MRE11: variants seen among roughly 807,000 people sequenced by gnomAD.
The protein encoded by MRE11 is MRE11 double strand break repair nuclease, also known as double-strand break repair protein MRE11.
In MRE11, 62 loss-of-function variants were observed where a neutral mutation model predicts 91.7. The ratio of observed to expected loss-of-function variants is 0.68; its 90% CI spans 0.55 to 0.84. The LOEUF (loss-of-function observed/expected upper bound fraction) is 0.84. Among genes scored for constraint, MRE11 ranks in the 40% least tolerant of loss-of-function variants. MRE11 has a pLI of 0.00. For synonymous variants in MRE11, 273 were observed against 271.4 expected, an observed-to-expected ratio of 1.01 and a Z score of -0.06; for missense variants, 796 against 852.9, an observed-to-expected ratio of 0.93 and a Z score of 0.83.
intron 17 of MRE11, among the ~76,000 whole-genome samples, chr11:94,436,599 C>G (rs1044153855): frequency 6.6e-6 from 1 of 152,122 alleles, no homozygotes; most frequent in African/African-American, 2.4e-5. Flanking sequence ...TATGGAGAAA[C>G]CCTGATGTAA....
chr11:94,457,887 T>TCTCACACA (rs372404360), intron 13 of MRE11, among the ~76,000 whole-genome samples: 3,290 of 144,172 alleles, frequency 0.023, 123 homozygotes, highest in African/African-American at 0.081. Context: ...TCTCTCTCTC[T>TCTCACACA]CACACACACA....
chr11:94,507,268 T>G, the MRE11 span, among the ~76,000 whole-genome samples: 1 of 152,222 alleles, frequency 6.6e-6, no homozygotes, highest in Non-Finnish European at 1.5e-5. Flanking sequence ...CAACATTACA[T>G]CTATGAGATT....
At chr11:94,421,093 A>G (rs1165210163) in intron 19 of MRE11, among the ~76,000 whole-genome samples, 2 of 152,206 alleles carry the variant, frequency 1.3e-5, no homozygotes, top group Non-Finnish European at 2.9e-5. Flanking sequence ...GTAAGAATAA[A>G]TAGGAATATC....
intron 14 of MRE11, 43 bp from the exon 15 acceptor site, chr11:94,447,481 G>A (rs762612584): frequency 1.2e-5 from 19 of 1,561,192 alleles, no homozygotes; most frequent in Admixed American, 5.0e-5. Context: ...ATGAGATAAC[G>A]TACCATCCTA....
chr11:94,434,515 A>G (rs1045976879), intron 18 of MRE11, among the ~76,000 whole-genome samples: 7 of 152,142 alleles, frequency 4.6e-5, no homozygotes, highest in Non-Finnish European at 8.8e-5. Flanking sequence ...GAGATAATGG[A>G]AAAAAAGCTT....
rs1289855820 is a variant in MRE11, at chr11:94,418,315, T to C, written c.*1810A>G. On this transcript the variant is annotated 3_prime_UTR_variant, in exon 20 of 20. Coordinates refer to ENST00000323929, the MANE Select transcript of MRE11 (RefSeq NM_005591.4). Reference sequence around the variant, plus strand: ...GAGATTTATCACCCTCTGTAACTGCTATGTCATCACTTTCCTTAGCGGTGA... The same window carrying C: ...GAGATTTATCACCCTCTGTAACTGCCATGTCATCACTTTCCTTAGCGGTGA... 1 of 233,068 alleles carries C rather than the reference T, an allele frequency of 4.3e-6. No homozygotes were observed. The highest frequency in any genetic ancestry group is 2.2e-5 in the African/African-American group (1 of 45,340). 14.4% of individuals were successfully genotyped at this position (233,068 alleles called of 1,614,324 possible).
In MRE11 at chr11:94,479,713, T is replaced by C; in HGVS notation, c.363A>G (p.Pro121=). The stretch of plus-strand genomic sequence containing the variant: ...CATGATTGCCATGAATACTAAACAC[T>C]GGAATTGAAATGTTGAGGTTGCCAT... The part of the protein sequence containing the change: ...YQDGNLNISI[P]VFSIHGNHDD... The change falls in exon 5 of 20, where the codon CCA becomes CCG. Residue 121 remains proline, a synonymous_variant. Transcript: ENST00000323929. 6.2e-7 allele frequency: 1 copy of C among 1,613,088 alleles called. No homozygotes were observed. Among genetic ancestry groups the C allele is most frequent in the Non-Finnish European group, 8.5e-7 (1 of 1,179,754 alleles).
At chr11:94,459,709 A>C (rs369254097) in intron 12 of MRE11, 128 bp from the exon 13 acceptor site, 2 of 1,020,892 alleles carry the variant, frequency 2.0e-6, no homozygotes, top group African/African-American at 1.6e-5. Flanking sequence ...AGTTAAGCCT[A>C]CTAATATCAG....
chr11:94,434,583 C>T (rs1945551814), intron 18 of MRE11, among the ~76,000 whole-genome samples: 1 of 152,082 alleles, frequency 6.6e-6, no homozygotes, highest in Admixed American at 6.5e-5. Context: ...AGTTCCTGCT[C>T]ATGCCCTTAT....
chr11:94,438,154 C>T (rs932564838), intron 16 of MRE11, among the ~76,000 whole-genome samples: 1 of 151,772 alleles, frequency 6.6e-6, no homozygotes, highest in African/African-American at 2.4e-5. Flanking sequence ...CAAAACAAAA[C>T]AAAACCTACA....
intron 18 of MRE11, among the ~76,000 whole-genome samples, chr11:94,434,060 T>A (rs887778532): frequency 6.6e-6 from 1 of 152,126 alleles, no homozygotes; most frequent in African/African-American, 2.4e-5. Context: ...TTCAATGACC[T>A]TTCCCAGGAA....
chr11:94,482,362 T>A (rs115320714), intron 4 of MRE11, among the ~76,000 whole-genome samples: 1 of 152,200 alleles, frequency 6.6e-6, no homozygotes, highest in Admixed American at 6.5e-5. Flanking sequence ...CCGGAACCCA[T>A]GCTCTTAATC....
chr11:94,473,532 C>G (rs1403866930), intron 7 of MRE11: 1 of 152,068 alleles, frequency 6.6e-6, no homozygotes, highest in Non-Finnish European at 1.5e-5. Flanking sequence ...GCAGAAGGCT[C>G]AAGATTCTCA....
At position 94,478,847 on chromosome 11, in the gene MRE11, T is replaced by A; in HGVS notation, c.432A>T (p.Leu144Phe). 1 of 1,613,806 alleles carries A rather than the reference T, an allele frequency of 6.2e-7. No homozygotes were observed. The highest frequency in any genetic ancestry group is 8.5e-7 in the Non-Finnish European group (1 of 1,179,874). ...GADALCALDI[L>F]SCAGFVNHFG... is the part of the protein sequence containing the mutation. ...AGTGATTTACAAATCCAGCACAACT[T>A]AAAATGTCCAAGGCACAAAGTGCAT... Residue 144 changes from leucine (L) to phenylalanine (F), a missense_variant, in exon 6 of 20, where the codon TTA becomes TTT. By Grantham distance (22) the Leu-to-Phe change is conservative. Coordinates refer to ENST00000323929, the MANE Select transcript of MRE11 (RefSeq NM_005591.4).
chr11:94,432,694 T>C (rs971272853), intron 18 of MRE11, among the ~76,000 whole-genome samples: 3 of 152,158 alleles, frequency 2.0e-5, no homozygotes, highest in African/African-American at 7.2e-5. Context: ...TAGTCCCAGC[T>C]ATTCGGGAGG....
chr11:94,496,653 C>G, upstream of MRE11: 2 of 1,492,128 alleles, frequency 1.3e-6, no homozygotes, highest in Non-Finnish European at 1.8e-6. Flanking sequence ...GATTTATATC[C>G]TGGCATTTGA....
the MRE11 span, among the ~76,000 whole-genome samples, chr11:94,509,335 AT>A: frequency 5.9e-5 from 9 of 151,712 alleles, no homozygotes; most frequent in East Asian, 1.9e-4. Context: ...TCCATTTTTA[AT>A]TTTTTTTACT....
rs1348866499 is a variant in MRE11, at chr11:94,415,683, A to G, written c.*4442T>C. 4 of 152,222 alleles carry G rather than the reference A, an allele frequency of 2.6e-5. No homozygotes were observed. Among genetic ancestry groups the G allele is most frequent in the Non-Finnish European group, 5.9e-5 (4 of 68,038 alleles). The allele number at this position is 152,222 out of a possible 1,614,324, so 9.4% of individuals were successfully genotyped here. A position where few individuals can be genotyped will look rare whatever the true frequency, so the allele number is the denominator to read the frequency against. On this transcript the variant is annotated 3_prime_UTR_variant, in exon 20 of 20. Transcript: ENST00000323929. ...CAGTTATCTCTCAAAATAGACAATG[A>G]TGGTTTAATTAAGAGGTTGATAAAG...
intron 17 of MRE11, 87 bp downstream of exon 17, chr11:94,437,090 T>C: frequency 1.7e-6 from 2 of 1,197,282 alleles, no homozygotes; most frequent in Non-Finnish European, 2.4e-6. Context: ...TTTCTTCTTT[T>C]ATTTACTTTG....
Sources: gnomAD v4.1 joint callset for allele counts (sites outside exome capture counted in the v4.1 genomes callset) on GRCh38, gnomAD v4.1.1 for gene constraint, MANE v1.5 for transcripts, NCBI Gene and HGNC (gene_info 2026-07-23, HGNC 2026-07-21) for gene names.